The following CDH8 variants were observed in gnomAD, a reference collection of about 807,000 sequenced individuals.
CDH8 encodes the protein cadherin-8.
CDH8 carries 17 observed loss-of-function variants against 68.1 expected under a neutral mutation model. The ratio of observed to expected loss-of-function variants is 0.25; its 90% CI spans 0.17 to 0.37. The LOEUF is 0.37. CDH8 is among the 10% of genes least tolerant of loss of function. CDH8 has a pLI of 1.00. For synonymous variants in CDH8, 372 were observed against 365.1 expected, an observed-to-expected ratio of 1.02 and a Z score of -0.21; for missense variants, 763 against 999.3, an observed-to-expected ratio of 0.76 and a Z score of 3.19.
chr16:61,661,183 T>G (rs1963550087), intron 10 of CDH8, among the ~76,000 whole-genome samples: 1 of 151,978 alleles, frequency 6.6e-6, no homozygotes, highest in Non-Finnish European at 1.5e-5. Context: ...TATCTCACTT[T>G]CAATAATAAA....
intron 8 of CDH8, among the ~76,000 whole-genome samples, chr16:61,767,397 T>C (rs1960622444): frequency 6.6e-6 from 1 of 151,916 alleles, no homozygotes; most frequent in African/African-American, 2.4e-5. Flanking sequence ...AGGAAACAAG[T>C]CAGCTGTCTG....
rs1029921016 is a variant in CDH8 at position 61,649,759 on chromosome 16, C to T, written c.*3849G>A. On this transcript the variant is annotated 3_prime_UTR_variant, in exon 12 of 12. Coordinates refer to ENST00000577390, the MANE Select transcript of CDH8 (RefSeq NM_001796.5). Reference sequence around the variant, plus strand: ...TTGGAAGGGCCTACTTGCCTTCAGTCCTTATGTGGCTATAAAGAGTAATTG... The same window carrying T: ...TTGGAAGGGCCTACTTGCCTTCAGTTCTTATGTGGCTATAAAGAGTAATTG... 24 of 152,096 alleles carry T rather than the reference C, an allele frequency of 1.6e-4. No homozygotes were observed. The highest frequency in any genetic ancestry group is 3.2e-3 in the Middle Eastern group (1 of 316). 9.4% of individuals were successfully genotyped at this position (152,096 alleles called of 1,614,324 possible).
In CDH8 at chr16:61,652,112, A is replaced by T; in HGVS notation, c.*1496T>A. On this transcript the variant is annotated 3_prime_UTR_variant, in exon 12 of 12. Coordinates refer to ENST00000577390, the MANE Select transcript of CDH8 (RefSeq NM_001796.5). ...ACAATATTGCATTAAAGCAAAGTAG[A>T]AAATTAAAATGATCTGCATGTAATA... The T allele has an allele frequency of 1.0e-6, 1 of 961,094 alleles. No homozygotes were observed. Among genetic ancestry groups the T allele is most frequent in the Non-Finnish European group, 1.2e-6 (1 of 807,708 alleles). The allele number at this position is 961,094 out of a possible 1,614,324, so 59.5% of individuals were successfully genotyped here.
Position 61,934,385 on chromosome 16 carries a change from A to C in CDH8, c.253-32912T>G, listed in dbSNP as rs140835389. Among the ~76,000 whole-genome samples the C allele has an allele frequency of 1.1e-3, 164 of 152,276 alleles. 1 individual carries two copies. In the East Asian group the frequency reaches 0.022, roughly 20 times the overall value. On this transcript the variant is annotated intron_variant, in intron 2 of 11. Coordinates refer to ENST00000577390, the MANE Select transcript of CDH8 (RefSeq NM_001796.5). The stretch of plus-strand genomic sequence containing the variant: ...GGTAAGTTGTAATTCTATGCTAGTT[A>C]GTGTAAATTGAGGAACAGAAACAAA...
intron 8 of CDH8, among the ~76,000 whole-genome samples, chr16:61,740,785 C>T (rs1203882002): frequency 1.3e-5 from 2 of 151,928 alleles, no homozygotes; most frequent in African/African-American, 4.8e-5. Flanking sequence ...TTTATCTGTT[C>T]TCTTATTGGT....
chr16:61,901,074 A>G, intron 3 of CDH8, 105 bp downstream of exon 3: 2 of 1,033,700 alleles, frequency 1.9e-6, no homozygotes, highest in Non-Finnish European at 2.9e-6. Flanking sequence ...AATTAGAGAT[A>G]AGGTGGTAAT....
chr16:61,696,308 G>A (rs1023441431), intron 10 of CDH8, among the ~76,000 whole-genome samples: 5 of 152,112 alleles, frequency 3.3e-5, no homozygotes, highest in African/African-American at 1.2e-4. Context: ...TGGAAAGTGG[G>A]GAATTAAACT....
At chr16:61,966,322 G>A (rs957316296) in intron 2 of CDH8, among the ~76,000 whole-genome samples, 4 of 114,694 alleles carry the variant, frequency 3.5e-5, no homozygotes, top group African/African-American at 7.2e-5. Flanking sequence ...GGCAGATCAC[G>A]ATGTCAAGAG....
intron 7 of CDH8, among the ~76,000 whole-genome samples, chr16:61,793,943 C>T (rs1961440971): frequency 6.6e-6 from 1 of 151,834 alleles, no homozygotes; most frequent in African/African-American, 2.4e-5. Flanking sequence ...GTATAGAAGC[C>T]CAAATGGACT....
chr16:61,767,914 T>C (rs1224492558), intron 8 of CDH8, among the ~76,000 whole-genome samples: 1 of 151,918 alleles, frequency 6.6e-6, no homozygotes, highest in Non-Finnish European at 1.5e-5. Flanking sequence ...TGCAAAGTCT[T>C]TAGAACTCAG....
intron 2 of CDH8, chr16:61,918,353 A>T (rs1170268509): frequency 6.4e-6 from 1 of 156,636 alleles, no homozygotes; most frequent in African/African-American, 2.4e-5. Flanking sequence ...TACAGCTCCC[A>T]GCGTGAGCGA....
At chr16:61,720,839 A>G (rs1959211726) in intron 9 of CDH8, among the ~76,000 whole-genome samples, 1 of 150,914 alleles carries the variant, frequency 6.6e-6, no homozygotes, top group Non-Finnish European at 1.5e-5. Flanking sequence ...GCCACCTCAT[A>G]AACATATAAC....
chr16:61,770,708 A>G, intron 8 of CDH8, among the ~76,000 whole-genome samples: 1 of 151,940 alleles, frequency 6.6e-6, no homozygotes, highest in East Asian at 1.9e-4. Context: ...AGAAAGCATC[A>G]TACAGAACTC....
At chr16:61,854,178 C>T (rs1010587931) in intron 4 of CDH8, among the ~76,000 whole-genome samples, 6 of 151,294 alleles carry the variant, frequency 4.0e-5, no homozygotes, top group Admixed American at 3.3e-4. Context: ...ACACAGAAGC[C>T]CACTGCTTGC....
intron 2 of CDH8, among the ~76,000 whole-genome samples, chr16:61,917,221 T>A (rs902889064): frequency 4.3e-5 from 3 of 70,168 alleles, no homozygotes; most frequent in Non-Finnish European, 8.5e-5. Context: ...ATAGGTAAGG[T>A]TTTTTTAAAA....
At position 61,801,894 on chromosome 16, in the gene CDH8, C is replaced by T. The variant is rs886748776; in HGVS notation, c.1278-12412G>A. Among the ~76,000 whole-genome samples, 23 of 150,778 alleles carry T rather than the reference C, an allele frequency of 1.5e-4. No individual in the cohort carries two copies. The South Asian group carries it at 1.9e-3, about 12-fold the overall frequency. ...GGCGGCAGCGAGGCTGGGGGAGGGG[C>T]GCCCGCCATTGCCCAGGCTTGCTTA... is the stretch of plus-strand genomic sequence containing the variant. On this transcript the variant is annotated intron_variant, in intron 7 of 11. Transcript: ENST00000577390.
Position 61,727,202 on chromosome 16 carries a change from C to A in CDH8, c.1428G>T (p.Gln476His). 6.2e-7 allele frequency: 1 copy of A among 1,608,232 alleles called. No homozygotes were observed. The highest frequency in any genetic ancestry group is 8.5e-7 in the Non-Finnish European group (1 of 1,176,252). ...IIATEIRNHS[Q>H]ISRVPVAIKV... ...TAATAGCAACAGGTACTCGTGATATCTGACTGTGGTTCCCTATGGGAAGGA... is the reference window on the plus strand; with the variant it reads ...TAATAGCAACAGGTACTCGTGATATATGACTGTGGTTCCCTATGGGAAGGA... Residue 476 changes from glutamine (Q) to histidine (H), a missense_variant, in exon 9 of 12, where the codon CAG becomes CAT. By Grantham distance (24) the Gln-to-His change is conservative. Coordinates refer to ENST00000577390, the MANE Select transcript of CDH8 (RefSeq NM_001796.5).
rs1004687077 is a variant in CDH8 at position 61,695,090 on chromosome 16, C to CT, written c.1654+18750dup. Among the ~76,000 whole-genome samples the CT allele has an allele frequency of 3.4e-3, 510 of 147,900 alleles. 1 individual carries two copies. Among genetic ancestry groups the CT allele is most frequent in the African/African-American group, 0.012 (473 of 40,556 alleles). On this transcript the variant is annotated intron_variant, in intron 10 of 11. Coordinates refer to ENST00000577390, the MANE Select transcript of CDH8 (RefSeq NM_001796.5). Reference sequence around the variant, plus strand: ...CACCATGCCCGGCCTTCTTCTTCTTCTTTTTTTTTTAGTGGAATACTTCTG... The same window carrying CT: ...CACCATGCCCGGCCTTCTTCTTCTTCTTTTTTTTTTTAGTGGAATACTTCTG...
intron 8 of CDH8, among the ~76,000 whole-genome samples, chr16:61,764,635 G>A (rs1960544909): frequency 6.6e-6 from 1 of 151,912 alleles, no homozygotes; most frequent in Non-Finnish European, 1.5e-5. Flanking sequence ...AAGGATTTAG[G>A]GTTATGTAAA....
Sources: allele counts gnomAD v4.1 joint callset (sites outside exome capture counted in the v4.1 genomes callset), GRCh38; gene constraint gnomAD v4.1.1; transcripts MANE v1.5; gene names NCBI Gene and HGNC (gene_info 2026-07-23, HGNC 2026-07-21).